TRAPPC9: variants seen among roughly 807,000 people sequenced by gnomAD.
TRAPPC9 encodes trafficking protein particle complex subunit 9.
Under a neutral mutation model 124.0 loss-of-function variants are expected in TRAPPC9, and 83 were observed. The observed-to-expected ratio is 0.67, with a 90% CI of 0.56 to 0.80. The LOEUF (loss-of-function observed/expected upper bound fraction) is 0.80. TRAPPC9 is among the 30% of genes least tolerant of loss of function. The pLI, the probability that TRAPPC9 is intolerant of heterozygous loss-of-function variation, is 0.00. For missense variants in TRAPPC9, 1,302 were observed against 1,508.3 expected (o/e 0.86, Z 2.27); for synonymous variants, 638 against 617.5 (o/e 1.03, Z -0.49).
intron 9 of TRAPPC9, among the ~76,000 whole-genome samples, chr8:140,344,983 C>T (rs1221870662): frequency 3.3e-5 from 5 of 152,236 alleles, no homozygotes; most frequent in African/African-American, 7.2e-5. Flanking sequence ...GGGGAAGCCA[C>T]GACAGCGTCA....
intron 21 of TRAPPC9, among the ~76,000 whole-genome samples, chr8:139,854,546 G>C (rs944619496): frequency 6.6e-6 from 1 of 152,238 alleles, no homozygotes; most frequent in Non-Finnish European, 1.5e-5. Flanking sequence ...CAGCCACCCA[G>C]ATTCAAACCC....
chr8:140,058,945 C>T (rs1356626601), intron 17 of TRAPPC9, among the ~76,000 whole-genome samples: 1 of 152,118 alleles, frequency 6.6e-6, no homozygotes, highest in Non-Finnish European at 1.5e-5. Context: ...GCTGGTTCTG[C>T]GTTGTTGCTG....
intron 18 of TRAPPC9, among the ~76,000 whole-genome samples, chr8:140,022,631 A>C (rs1416607125): frequency 6.6e-6 from 1 of 152,198 alleles, no homozygotes; most frequent in Admixed American, 6.5e-5. Flanking sequence ...GATGAGAGAG[A>C]AACACACAAC....
intron 6 of TRAPPC9, among the ~76,000 whole-genome samples, chr8:140,404,909 CGTGTGTGTGTGT>C (rs71320356): frequency 1.3e-4 from 16 of 120,058 alleles, no homozygotes; most frequent in Admixed American, 3.3e-4. Context: ...TGTGAGCATG[CGTGTGTGTGTGT>C]GTGTGTGTGT....
At chr8:140,166,496 A>G (rs2061840014) in intron 17 of TRAPPC9, among the ~76,000 whole-genome samples, 3 of 152,230 alleles carry the variant, frequency 2.0e-5, no homozygotes, top group Admixed American at 1.3e-4. Context: ...GTGAACACAC[A>G]CAGGAGCGTG....
At chr8:140,125,587 CTTTTTTTTTTTTTT>C (rs11292333) in intron 17 of TRAPPC9, among the ~76,000 whole-genome samples, 753 of 67,896 alleles carry the variant, frequency 0.011, 29 homozygotes, top group African/African-American at 0.044. Context: ...GAATCTCATT[CTTTTTTTTTTTTTT>C]TTTTTTTTTT....
chr8:140,308,646 G>C (rs2066203899), intron 10 of TRAPPC9, among the ~76,000 whole-genome samples: 1 of 152,172 alleles, frequency 6.6e-6, no homozygotes, highest in African/African-American at 2.4e-5. Context: ...ACTTTGGGAG[G>C]CTGAGGCGGG....
chr8:140,426,923 C>CTT (rs376753987), intron 4 of TRAPPC9, among the ~76,000 whole-genome samples: 2 of 143,890 alleles, frequency 1.4e-5, no homozygotes, highest in Non-Finnish European at 1.5e-5. Context: ...GCTCCCAGTT[C>CTT]TTTTTTTTTT....
chr8:140,244,622 G>A (rs1274714409), intron 16 of TRAPPC9, among the ~76,000 whole-genome samples: 4 of 152,084 alleles, frequency 2.6e-5, no homozygotes, highest in African/African-American at 4.8e-5. Flanking sequence ...CAATCTTCCC[G>A]ACAGCTCCCT....
chr8:140,287,474 A>G (rs1232692687), intron 13 of TRAPPC9, 134 bp downstream of exon 13: 2 of 1,278,840 alleles, frequency 1.6e-6, no homozygotes, highest in African/African-American at 2.9e-5. Flanking sequence ...CATGCTTCCC[A>G]AAGAGACAAG....
chr8:139,865,718 G>C (rs536166314), intron 21 of TRAPPC9, among the ~76,000 whole-genome samples: 1 of 152,332 alleles, frequency 6.6e-6, no homozygotes, highest in Non-Finnish European at 1.5e-5. Flanking sequence ...AGAGAACCCA[G>C]TTGGTCCAGG....
intron 17 of TRAPPC9, among the ~76,000 whole-genome samples, chr8:140,058,823 C>G (rs1324432855): frequency 6.6e-6 from 1 of 152,188 alleles, no homozygotes; most frequent in African/African-American, 2.4e-5. Flanking sequence ...AGAGTGTAAA[C>G]AGCCATGATG....
At chr8:139,786,673 AGTGAGTG>A (rs1353860846) in intron 21 of TRAPPC9, among the ~76,000 whole-genome samples, 1 of 152,262 alleles carries the variant, frequency 6.6e-6, no homozygotes, top group Non-Finnish European at 1.5e-5. Context: ...GTGTCTATCA[AGTGAGTG>A]GATCAGAACT....
chr8:139,737,466 T>TCCGCC (rs1554633752), intron 21 of TRAPPC9, among the ~76,000 whole-genome samples: 1 of 41,368 alleles, frequency 2.4e-5, no homozygotes, highest in Non-Finnish European at 5.2e-5. Flanking sequence ...TCATCAGCCC[T>TCCGCC]CCCCCCCCCC....
intron 21 of TRAPPC9, among the ~76,000 whole-genome samples, chr8:139,744,851 A>T (rs1355570954): frequency 2.6e-5 from 4 of 152,228 alleles, no homozygotes; most frequent in Non-Finnish European, 4.4e-5. Flanking sequence ...TTTTCATTAA[A>T]GATTAAAGGG....
intron 19 of TRAPPC9, among the ~76,000 whole-genome samples, chr8:139,925,762 A>G (rs1002317904): frequency 8.6e-5 from 13 of 151,820 alleles, no homozygotes; most frequent in African/African-American, 2.9e-4. Flanking sequence ...AAAAAAAAAA[A>G]AAGAAAGCCT....
intron 19 of TRAPPC9, among the ~76,000 whole-genome samples, chr8:139,964,355 G>A (rs1835557673): frequency 6.6e-6 from 1 of 152,138 alleles, no homozygotes; most frequent in Non-Finnish European, 1.5e-5. Context: ...TCTCCACAGG[G>A]TGTGTGGACA....
At chr8:139,903,639 C>A (rs952372512) in intron 20 of TRAPPC9, among the ~76,000 whole-genome samples, 1 of 152,226 alleles carries the variant, frequency 6.6e-6, no homozygotes. Context: ...AGACTCATCC[C>A]GTGAGTTGCA....
chr8:140,244,693 G>C (rs2063936371), intron 16 of TRAPPC9, among the ~76,000 whole-genome samples: 1 of 151,724 alleles, frequency 6.6e-6, no homozygotes, highest in Non-Finnish European at 1.5e-5. Context: ...CGATCTTCTG[G>C]ATAATTCCTT....
Sources: gnomAD v4.1 joint callset for allele counts (sites outside exome capture counted in the v4.1 genomes callset) on GRCh38, gnomAD v4.1.1 for gene constraint, MANE v1.5 for transcripts, NCBI Gene and HGNC (gene_info 2026-07-23, HGNC 2026-07-21) for gene names.